Variants in PTPRT observed in about 807,000 individuals in gnomAD.
The protein encoded by PTPRT is receptor-type tyrosine-protein phosphatase T.
A neutral mutation model predicts 176.8 loss-of-function variants in PTPRT; 56 were observed. The ratio of observed to expected loss-of-function variants is 0.32; its 90% CI spans 0.26 to 0.40. The LOEUF (loss-of-function observed/expected upper bound fraction) is 0.40, where lower values mean the gene tolerates loss of function less well. PTPRT is among the 10% of genes least tolerant of loss of function. The pLI, the probability that PTPRT is intolerant of heterozygous loss-of-function variation, is 1.00. For missense variants in PTPRT, 1,540 were observed against 1,908.2 expected (o/e 0.81, Z 3.60); for synonymous variants, 783 against 739.0 (o/e 1.06, Z -0.96).
chr20:42,658,712 CTG>C (rs2075169491), intron 7 of PTPRT, among the ~76,000 whole-genome samples: 1 of 152,156 alleles, frequency 6.6e-6, no homozygotes, highest in African/African-American at 2.4e-5. Flanking sequence ...ATAATGAAAA[CTG>C]TATTTCTGTA....
At chr20:42,352,008 A>C in intron 10 of PTPRT, 76 bp downstream of exon 10, 1 of 1,449,882 alleles carries the variant, frequency 6.9e-7, no homozygotes, top group Non-Finnish European at 9.6e-7. Context: ...AATTCAAGAA[A>C]AATTTCCACT....
intron 1 of PTPRT, among the ~76,000 whole-genome samples, chr20:43,123,867 T>A (rs1264596920): frequency 6.6e-6 from 1 of 152,190 alleles, no homozygotes; most frequent in Admixed American, 6.5e-5. Flanking sequence ...GGTTTCCCCA[T>A]CTGTAAAAAA....
chr20:42,284,188 T>C (rs558643639), intron 12 of PTPRT, among the ~76,000 whole-genome samples: 12 of 152,178 alleles, frequency 7.9e-5, no homozygotes, highest in Non-Finnish European at 1.8e-4. Flanking sequence ...CTCTTATTGA[T>C]ACATGATTAT....
chr20:42,224,945 T>C (rs1353875756), intron 15 of PTPRT, among the ~76,000 whole-genome samples: 3 of 152,132 alleles, frequency 2.0e-5, no homozygotes, highest in Non-Finnish European at 4.4e-5. Flanking sequence ...ATGGCCATGG[T>C]AGTGCACTCT....
intron 1 of PTPRT, among the ~76,000 whole-genome samples, chr20:43,036,016 C>G (rs1056851419): frequency 9.2e-5 from 14 of 152,158 alleles, no homozygotes; most frequent in African/African-American, 3.4e-4. Flanking sequence ...CCCTGGGCAC[C>G]AGGGAGTCTG....
intron 1 of PTPRT, among the ~76,000 whole-genome samples, chr20:43,146,032 T>C: frequency 6.6e-6 from 1 of 152,228 alleles, no homozygotes; most frequent in East Asian, 1.9e-4. Flanking sequence ...ATTGGCTCTT[T>C]GAGAGTTTTT....
At chr20:42,239,094 C>T (rs4564846) in intron 14 of PTPRT, among the ~76,000 whole-genome samples, 151,969 of 152,302 alleles carry the variant, frequency 1, 75,818 homozygotes, top group East Asian at 1. Context: ...TAAAGGGTGG[C>T]TTATGTCTGC....
chr20:42,665,270 C>A (rs1160402613), intron 7 of PTPRT, among the ~76,000 whole-genome samples: 1 of 152,132 alleles, frequency 6.6e-6, no homozygotes, highest in African/African-American at 2.4e-5. Flanking sequence ...ACAACCCCAT[C>A]AAAAGTGGGC....
intron 2 of PTPRT, among the ~76,000 whole-genome samples, chr20:42,797,911 C>T (rs527668952): frequency 6.6e-6 from 1 of 152,260 alleles, no homozygotes; most frequent in African/African-American, 2.4e-5. Context: ...ACAAACTCTA[C>T]CCTAGAGCCT....
chr20:42,217,402 C>T (rs1409956106), intron 15 of PTPRT, among the ~76,000 whole-genome samples: 1 of 132,186 alleles, frequency 7.6e-6, no homozygotes, highest in African/African-American at 3.4e-5. Context: ...CACACACACA[C>T]ACACACACAC....
intron 1 of PTPRT, among the ~76,000 whole-genome samples, chr20:43,013,905 C>T (rs983973860): frequency 6.6e-6 from 1 of 152,156 alleles, no homozygotes. Context: ...TGATCTATGA[C>T]ATGAGGAGAA....
intron 7 of PTPRT, among the ~76,000 whole-genome samples, chr20:42,504,393 T>C (rs1030251641): frequency 2.6e-5 from 4 of 152,170 alleles, no homozygotes; most frequent in African/African-American, 9.6e-5. Context: ...TGTCTCAAAT[T>C]TGGCTTTACA....
chr20:42,038,899 GGGCATTATTAGGAA>G, the PTPRT span, among the ~76,000 whole-genome samples: 1 of 152,140 alleles, frequency 6.6e-6, no homozygotes. Flanking sequence ...AGTCACCAGT[GGGCATTATTAGGAA>G]GGCACTTCCC....
At chr20:42,560,338 C>A (rs1163716321) in intron 7 of PTPRT, among the ~76,000 whole-genome samples, 6 of 152,156 alleles carry the variant, frequency 3.9e-5, no homozygotes, top group African/African-American at 1.2e-4. Flanking sequence ...TGTACAGTGG[C>A]TACATTCTCC....
chr20:42,568,082 C>T (rs550000591), intron 7 of PTPRT, among the ~76,000 whole-genome samples: 2 of 151,806 alleles, frequency 1.3e-5, no homozygotes, highest in Non-Finnish European at 2.9e-5. Context: ...CAATTCCCTG[C>T]CTCAGGCTCC....
the PTPRT span, among the ~76,000 whole-genome samples, chr20:42,065,678 C>T: frequency 2.0e-5 from 3 of 152,208 alleles, no homozygotes; most frequent in South Asian, 4.1e-4. Flanking sequence ...TGGTATAAAA[C>T]TGATACATTA....
chr20:42,272,539 T>C (rs1367978409), intron 13 of PTPRT, among the ~76,000 whole-genome samples: 2 of 152,298 alleles, frequency 1.3e-5, no homozygotes, highest in Admixed American at 6.5e-5. Context: ...CAGCAGCCTC[T>C]TAACTGCTCT....
intron 6 of PTPRT, among the ~76,000 whole-genome samples, chr20:42,723,417 C>T (rs955563942): frequency 1.3e-5 from 2 of 152,144 alleles, no homozygotes; most frequent in Admixed American, 6.5e-5. Flanking sequence ...GCGGCCTTCC[C>T]GGTGAGCTGG....
chr20:42,469,573 C>A (rs528438062), intron 8 of PTPRT, among the ~76,000 whole-genome samples: 46 of 152,284 alleles, frequency 3.0e-4, no homozygotes, highest in African/African-American at 9.9e-4. Flanking sequence ...GCATGCTTGG[C>A]TCCAGAGTGT....
Sources: gnomAD v4.1 joint callset for allele counts (sites outside exome capture counted in the v4.1 genomes callset) on GRCh38, gnomAD v4.1.1 for gene constraint, MANE v1.5 for transcripts, NCBI Gene and HGNC (gene_info 2026-07-23, HGNC 2026-07-21) for gene names.